MAP4K5: variants seen among roughly 807,000 people sequenced by gnomAD.
The protein encoded by MAP4K5 is mitogen-activated protein kinase kinase kinase kinase 5.
In MAP4K5, 82 loss-of-function variants were observed where a neutral mutation model predicts 135.6. That is an observed-to-expected ratio of 0.60 (90% CI 0.51 to 0.73). MAP4K5 has a LOEUF of 0.73. Among genes scored for constraint, MAP4K5 ranks in the 30% least tolerant of loss-of-function variants. The pLI is 0.00. For synonymous variants in MAP4K5, 347 were observed against 335.0 expected, an observed-to-expected ratio of 1.04 and a Z score of -0.39; for missense variants, 907 against 1,010.9, an observed-to-expected ratio of 0.90 and a Z score of 1.39.
At chr14:50,560,827 G>A (rs2038833749) in intron 1 of MAP4K5, among the ~76,000 whole-genome samples, 1 of 152,206 alleles carries the variant, frequency 6.6e-6, no homozygotes, top group Non-Finnish European at 1.5e-5. Flanking sequence ...GAGCGCGCCG[G>A]GTCCCGGACG....
intron 13 of MAP4K5, among the ~76,000 whole-genome samples, chr14:50,458,371 C>T (rs938120912): frequency 1.3e-5 from 2 of 152,098 alleles, no homozygotes; most frequent in African/African-American, 4.8e-5. Flanking sequence ...CCCCCCACCA[C>T]ACACACAAAA....
chr14:50,420,101 A>T lies in MAP4K5; in HGVS notation c.2459T>A (p.Val820Asp). The part of the protein sequence containing the change: ...VFRLLGSDRV[V>D]VLESRPTENP... ...TTCTGTTGGCCTACTTTCCAAAACGACAACCCTGTAATTAAACCAAAACAA... is the reference window on the plus strand; with the variant it reads ...TTCTGTTGGCCTACTTTCCAAAACGTCAACCCTGTAATTAAACCAAAACAA... The change falls in exon 33 of 33, where the codon GTC becomes GAC. Residue 820 changes from valine to aspartate, a missense_variant. This residue lies in a region of MAP4K5 where 690 missense variants were observed against 777.4 expected (regional missense o/e 0.89). Transcript: ENST00000682126. 4 of 1,603,516 alleles carry T rather than the reference A, an allele frequency of 2.5e-6. No individual in the cohort carries two copies. The highest frequency in any genetic ancestry group is 3.4e-6 in the Non-Finnish European group (4 of 1,173,054).
intron 3 of MAP4K5, among the ~76,000 whole-genome samples, chr14:50,501,720 AG>A (rs2037709773): frequency 6.6e-6 from 1 of 152,160 alleles, no homozygotes; most frequent in Non-Finnish European, 1.5e-5. Flanking sequence ...CAAGGTAAAA[AG>A]GGTATCAAAG....
intron 9 of MAP4K5, among the ~76,000 whole-genome samples, chr14:50,473,965 C>T (rs931637130): frequency 6.6e-6 from 1 of 152,016 alleles, no homozygotes; most frequent in Non-Finnish European, 1.5e-5. Context: ...ACCTCTTGAT[C>T]CGCCCGCCTC....
intron 13 of MAP4K5, among the ~76,000 whole-genome samples, chr14:50,462,041 A>G (rs1405798619): frequency 3.3e-5 from 5 of 152,214 alleles, no homozygotes; most frequent in African/African-American, 1.2e-4. Flanking sequence ...ACTGAAAAGG[A>G]TAACATTTTC....
intron 4 of MAP4K5, 70 bp from the exon 5 acceptor site, chr14:50,485,712 A>C: frequency 1.1e-6 from 1 of 890,350 alleles, no homozygotes; most frequent in Non-Finnish European, 1.8e-6. Context: ...TAAGGCTCTC[A>C]CTCTTTAGCA....
intron 3 of MAP4K5, among the ~76,000 whole-genome samples, chr14:50,488,885 G>C (rs895748763): frequency 6.6e-5 from 10 of 152,158 alleles, no homozygotes; most frequent in African/African-American, 2.4e-4. Context: ...AATCTTCTGT[G>C]AACTGAAATT....
At chr14:50,423,897 A>C (rs1034313831) in intron 31 of MAP4K5, among the ~76,000 whole-genome samples, 5 of 152,172 alleles carry the variant, frequency 3.3e-5, no homozygotes, top group Admixed American at 6.6e-5. Context: ...TAAATGCTCA[A>C]GCCTCGTCAT....
rs1331534142 is a variant in MAP4K5, at chr14:50,517,534, G to A, written c.109-12677C>T. ...TGTAATCTCAGCACTTTGGGAGGCCGAGGTGGGTGGATAACTTGAGGTCGG... is the reference window on the plus strand; with the variant it reads ...TGTAATCTCAGCACTTTGGGAGGCCAAGGTGGGTGGATAACTTGAGGTCGG... On this transcript the variant is annotated intron_variant, in intron 2 of 32. Coordinates refer to ENST00000682126, the MANE Select transcript of MAP4K5 (RefSeq NM_006575.6). Among the ~76,000 whole-genome samples the A allele has an allele frequency of 5.9e-5, 9 of 152,020 alleles. No homozygotes were observed. The South Asian group carries it at 8.3e-4, about 14-fold the overall frequency.
Position 50,524,609 on chromosome 14 carries a change from C to T in MAP4K5, c.108+7333G>A, listed in dbSNP as rs151304531. ...TGACCTACTCTAAGGGACAGAAAAG[C>T]CCCCCCACCGAGAAATGTAATGTTT... On this transcript the variant is annotated intron_variant, in intron 2 of 32. Transcript: ENST00000682126. Among the ~76,000 whole-genome samples, 705 of 149,196 alleles carry T rather than the reference C, an allele frequency of 4.7e-3. 8 individuals carry two copies. The highest frequency in any genetic ancestry group is 0.017 in the African/African-American group (676 of 40,362).
intron 2 of MAP4K5, among the ~76,000 whole-genome samples, chr14:50,506,515 C>T (rs2037813130): frequency 6.6e-6 from 1 of 152,112 alleles, no homozygotes; most frequent in African/African-American, 2.4e-5. Context: ...CCTGCCACTA[C>T]ACTCAGCTAA....
chr14:50,455,144 TGAG>T (rs2036572100), intron 14 of MAP4K5, among the ~76,000 whole-genome samples: 1 of 151,852 alleles, frequency 6.6e-6, no homozygotes, highest in Admixed American at 6.6e-5. Flanking sequence ...ATGAAACAAA[TGAG>T]TAGTCATCTA....
At chr14:50,494,445 C>T (rs144299303) in intron 3 of MAP4K5, among the ~76,000 whole-genome samples, 124 of 152,158 alleles carry the variant, frequency 8.1e-4, no homozygotes, top group Admixed American at 1.6e-3. Flanking sequence ...GGATTACAAG[C>T]GTGAGCCACC....
chr14:50,521,896 T>C (rs1269854071), intron 2 of MAP4K5, among the ~76,000 whole-genome samples: 5 of 152,180 alleles, frequency 3.3e-5, no homozygotes, highest in South Asian at 2.1e-4. Context: ...AAACTCTCCA[T>C]ATACAAATAC....
chr14:50,551,219 C>A (rs1004747307), intron 1 of MAP4K5, among the ~76,000 whole-genome samples: 1 of 151,750 alleles, frequency 6.6e-6, no homozygotes, highest in African/African-American at 2.4e-5. Flanking sequence ...TACAGAAATA[C>A]AAAAGATCAT....
intron 19 of MAP4K5, 76 bp downstream of exon 19, chr14:50,443,863 A>G (rs2036282439): frequency 1.4e-6 from 2 of 1,475,792 alleles, no homozygotes; most frequent in Non-Finnish European, 1.9e-6. Flanking sequence ...GAATTACTGA[A>G]TTAAACAGAC....
At chr14:50,536,538 G>A (rs2038495517), upstream of MAP4K5, among the ~76,000 whole-genome samples, 1 of 152,138 alleles carries the variant, frequency 6.6e-6, no homozygotes, top group Non-Finnish European at 1.5e-5. Context: ...ACAGGCAGAG[G>A]TTGGAAGAGT....
chr14:50,532,827 A>C (rs887013006), upstream of MAP4K5: 4 of 152,392 alleles, frequency 2.6e-5, no homozygotes, highest in African/African-American at 9.6e-5. Context: ...ACGCCTGGGC[A>C]TTCGTGGGCC....
chr14:50,422,636 T>C (rs956014517), intron 32 of MAP4K5, among the ~76,000 whole-genome samples: 2 of 152,092 alleles, frequency 1.3e-5, no homozygotes, highest in African/African-American at 4.8e-5. Flanking sequence ...CTACAGCTAC[T>C]ACATTTTTTT....
Sources: gnomAD v4.1 joint callset for allele counts (sites outside exome capture counted in the v4.1 genomes callset) on GRCh38, gnomAD v4.1.1 for gene constraint, gnomAD v4.1.1 regional missense constraint, MANE v1.5 for transcripts, NCBI Gene and HGNC (gene_info 2026-07-23, HGNC 2026-07-21) for gene names.